The following ZRANB3 variants were observed in gnomAD, a reference collection of about 807,000 sequenced individuals.
The protein encoded by ZRANB3 is zinc finger RANBP2-type containing 3.
In ZRANB3, 125 loss-of-function variants were observed where a neutral mutation model predicts 133.8. The observed-to-expected ratio is 0.93, with a 90% confidence interval of 0.81 to 1.08. ZRANB3 has a LOEUF of 1.08. Ranked by LOEUF, ZRANB3 falls within the 50% of genes least tolerant of loss-of-function variation. ZRANB3 has a pLI of 0.00. For missense variants in ZRANB3, 1,229 were observed against 1,275.5 expected (o/e 0.96, Z 0.56); for synonymous variants, 387 against 432.7 (o/e 0.89, Z 1.31).
chr2:135,372,786 C>CAA (rs536156455), intron 3 of ZRANB3, among the ~76,000 whole-genome samples: 24 of 53,716 alleles, frequency 4.5e-4, no homozygotes, highest in African/African-American at 1.3e-3. Context: ...GACTCCATCT[C>CAA]AAAAAAAAAA....
At position 135,199,180 on chromosome 2, in the gene ZRANB3, C is replaced by A. The variant is rs1693516766; in HGVS notation, c.*1162G>T. ...GCCTTATTATAAAGTGTTTTGTCATCATCACTCTTTTTAAAATAAGTACCA... is the reference window on the plus strand; with the variant it reads ...GCCTTATTATAAAGTGTTTTGTCATAATCACTCTTTTTAAAATAAGTACCA... On this transcript the variant is annotated 3_prime_UTR_variant, in exon 21 of 21. Coordinates refer to ENST00000264159, the MANE Select transcript of ZRANB3 (RefSeq NM_032143.4). 6.6e-6 allele frequency: 1 copy of A among 152,152 alleles called. No homozygotes were observed. Among genetic ancestry groups the A allele is most frequent in the African/African-American group, 2.4e-5 (1 of 41,438 alleles). 9.4% of individuals were successfully genotyped at this position (152,152 alleles called of 1,614,324 possible).
At chr2:135,358,236 A>T (rs75935540) in intron 3 of ZRANB3, among the ~76,000 whole-genome samples, 1,571 of 152,302 alleles carry the variant, frequency 0.01, 25 homozygotes, top group African/African-American at 0.036. Context: ...GAAATAGCCA[A>T]AGACTTAAGG....
intron 17 of ZRANB3, among the ~76,000 whole-genome samples, chr2:135,209,507 T>C (rs1694012256): frequency 6.6e-6 from 1 of 152,194 alleles, no homozygotes; most frequent in Non-Finnish European, 1.5e-5. Flanking sequence ...GTTCCCCTTA[T>C]TATCAGCCCA....
chr2:135,504,066 AAT>A (rs1346021206), intron 2 of ZRANB3: 1 of 453,750 alleles, frequency 2.2e-6, no homozygotes, highest in Non-Finnish European at 4.0e-6. Context: ...GAAAACTGTC[AAT>A]ATATGAGTTG....
chr2:135,303,762 ACT>A (rs1682554488), intron 8 of ZRANB3, among the ~76,000 whole-genome samples: 3 of 151,862 alleles, frequency 2.0e-5, no homozygotes, highest in Admixed American at 1.3e-4. Flanking sequence ...AACAATATTG[ACT>A]CTTCTGATTC....
intron 2 of ZRANB3, among the ~76,000 whole-genome samples, chr2:135,408,227 CTCA>C (rs1159142891): frequency 6.6e-6 from 1 of 152,104 alleles, no homozygotes; most frequent in Non-Finnish European, 1.5e-5. Context: ...TGAAAAAATG[CTCA>C]TCATCACTGC....
chr2:135,268,021 C>A (rs974792658), intron 11 of ZRANB3, among the ~76,000 whole-genome samples: 1 of 152,126 alleles, frequency 6.6e-6, no homozygotes, highest in African/African-American at 2.4e-5. Context: ...CAGAACTCAA[C>A]CATACTGGCA....
chr2:135,283,761 C>T (rs189582878), intron 8 of ZRANB3, among the ~76,000 whole-genome samples: 2 of 152,134 alleles, frequency 1.3e-5, no homozygotes, highest in Admixed American at 1.3e-4. Context: ...AATCAAAATA[C>T]ACAGAATGTA....
chr2:135,457,384 T>C (rs1160515897), intron 2 of ZRANB3, among the ~76,000 whole-genome samples: 2 of 152,170 alleles, frequency 1.3e-5, no homozygotes, highest in Non-Finnish European at 2.9e-5. Flanking sequence ...TAGCAAACTG[T>C]TTTTCAAAGT....
rs139586501 is a variant in ZRANB3, at chr2:135,338,629, T to G, written c.677+6921A>C. 1.1e-4 allele frequency among the ~76,000 whole-genome samples: 17 copies of G among 152,340 alleles called. No homozygotes were observed. The East Asian group carries it at 3.1e-3, about 28-fold the overall frequency. ...AAAGATAACACAATTTTCTGTAATT[T>G]CCTTTTCTTTCAACACTGTATCTTG... is the stretch of plus-strand genomic sequence containing the variant. On this transcript the variant is annotated intron_variant, in intron 6 of 20. Transcript: ENST00000264159.
intron 2 of ZRANB3, among the ~76,000 whole-genome samples, chr2:135,409,103 CTT>C (rs1457252875): frequency 1.3e-5 from 2 of 152,058 alleles, no homozygotes; most frequent in Non-Finnish European, 2.9e-5. Context: ...CCACAGGAAA[CTT>C]ACAATCATAG....
intron 19 of ZRANB3, among the ~76,000 whole-genome samples, chr2:135,204,879 T>C (rs1693796500): frequency 6.6e-6 from 1 of 151,622 alleles, no homozygotes. Flanking sequence ...TTTAGATGTC[T>C]ATTATATTAC....
intron 1 of ZRANB3, chr2:135,511,045 C>T: frequency 1.3e-6 from 1 of 776,622 alleles, no homozygotes; most frequent in Non-Finnish European, 2.4e-6. Context: ...ATCCTTTGAT[C>T]CCTTTGAGGT....
chr2:135,414,345 G>A (rs1368424602), intron 2 of ZRANB3, among the ~76,000 whole-genome samples: 1 of 152,036 alleles, frequency 6.6e-6, no homozygotes, highest in Non-Finnish European at 1.5e-5. Context: ...CAAAGATCAA[G>A]AGAGACAAAG....
chr2:135,498,701 G>A (rs1251685507), intron 2 of ZRANB3, among the ~76,000 whole-genome samples: 1 of 152,138 alleles, frequency 6.6e-6, no homozygotes, highest in East Asian at 1.9e-4. Flanking sequence ...TCTCAGCAAG[G>A]AACATCCCTG....
rs1293071926 is a variant in ZRANB3, at chr2:135,207,590, A to G, written c.2853T>C (p.Ser951=). The G allele has an allele frequency of 1.9e-6, 3 of 1,613,922 alleles. No individual in the cohort carries two copies. The highest frequency in any genetic ancestry group is 2.5e-6 in the Non-Finnish European group (3 of 1,179,906). ...TTTCAAATACTTTGGCTCTCAGGTAACTGTTATTAGATCGAATCCAAAACT... is the reference window on the plus strand; with the variant it reads ...TTTCAAATACTTTGGCTCTCAGGTAGCTGTTATTAGATCGAATCCAAAACT... ...QEEFWIRSNN[S]YLRAKVFETE... is the part of the protein sequence containing the mutation. The change falls in exon 19 of 21, where the codon AGT becomes AGC. Residue 951 remains serine, a synonymous_variant. Coordinates refer to ENST00000264159, the MANE Select transcript of ZRANB3 (RefSeq NM_032143.4).
intron 3 of ZRANB3, among the ~76,000 whole-genome samples, chr2:135,365,293 G>T: frequency 6.6e-6 from 1 of 151,910 alleles, no homozygotes; most frequent in Admixed American, 6.6e-5. Context: ...ACGAAATTTG[G>T]CTTTTCACTT....
At chr2:135,493,882 CAAGT>C (rs1015191824) in intron 2 of ZRANB3, among the ~76,000 whole-genome samples, 2 of 152,010 alleles carry the variant, frequency 1.3e-5, no homozygotes, top group African/African-American at 4.8e-5. Context: ...TGTCCATCAC[CAAGT>C]AAATGAACAA....
intron 2 of ZRANB3, among the ~76,000 whole-genome samples, chr2:135,473,782 T>C (rs1185283134): frequency 6.6e-6 from 1 of 152,212 alleles, no homozygotes; most frequent in Non-Finnish European, 1.5e-5. Flanking sequence ...GGTGGCAGTG[T>C]GGCCCAGGGC....
Sources: gnomAD v4.1 joint callset for allele counts (sites outside exome capture counted in the v4.1 genomes callset) on GRCh38, gnomAD v4.1.1 for gene constraint, MANE v1.5 for transcripts, NCBI Gene and HGNC (gene_info 2026-07-23, HGNC 2026-07-21) for gene names.